CREBRF: variants seen among roughly 807,000 people sequenced by gnomAD.
CREBRF encodes CREB3 regulatory factor, also known as UPF0474 protein C5orf41.
Under a neutral mutation model 66.1 loss-of-function variants are expected in CREBRF, and 5 were observed. The observed-to-expected ratio is 0.08, with a 90% CI of 0.04 to 0.16. CREBRF has a LOEUF of 0.16. Among genes scored for constraint, CREBRF ranks in the 10% least tolerant of loss-of-function variants. CREBRF has a pLI of 1.00. For missense variants in CREBRF, 531 were observed against 744.9 expected, an observed-to-expected ratio of 0.71 and a Z score of 3.34; for synonymous variants, 229 against 264.4, an observed-to-expected ratio of 0.87 and a Z score of 1.30.
intron 8 of CREBRF, among the ~76,000 whole-genome samples, chr5:173,127,146 G>T (rs1759292995): frequency 6.7e-6 from 1 of 150,210 alleles, no homozygotes; most frequent in Admixed American, 6.7e-5. Context: ...GTTTAAATGG[G>T]TTGGAGTTTC....
In CREBRF at chr5:173,137,851, G is replaced by A. The variant is rs561034299; in HGVS notation, c.*4106G>A. 6.6e-6 allele frequency: 1 copy of A among 152,014 alleles called. No homozygotes were observed. Among genetic ancestry groups the A allele is most frequent in the Non-Finnish European group, 1.5e-5 (1 of 67,954 alleles). The allele number at this position is 152,014 out of a possible 1,614,324, so 9.4% of individuals were successfully genotyped here. On this transcript the variant is annotated 3_prime_UTR_variant, in exon 9 of 9. Coordinates refer to ENST00000296953, the MANE Select transcript of CREBRF (RefSeq NM_153607.3). The stretch of plus-strand genomic sequence containing the variant: ...ATGTTATAAGAAATGAATTCAAGTT[G>A]CCTTCAGCAAGAATTAACAAAAACT...
intron 3 of CREBRF, 100 bp downstream of exon 3, chr5:173,086,726 G>A: frequency 9.7e-7 from 1 of 1,032,898 alleles, no homozygotes. Flanking sequence ...AGATGTGCTT[G>A]GGCCAAGTTT....
chr5:173,092,320 G>A, intron 4 of CREBRF: 1 of 981,904 alleles, frequency 1.0e-6, no homozygotes, highest in Admixed American at 6.2e-5. Flanking sequence ...CTGTAATTTG[G>A]TGAGCATGAA....
intron 8 of CREBRF, among the ~76,000 whole-genome samples, chr5:173,131,738 T>C (rs1759430851): frequency 6.6e-6 from 1 of 151,818 alleles, no homozygotes. Flanking sequence ...ACACTTTTTT[T>C]TGTTTGTTTT....
intron 4 of CREBRF, 96 bp downstream of exon 4, chr5:173,091,497 ATTT>A: frequency 1.3e-6 from 2 of 1,511,390 alleles, no homozygotes; most frequent in Non-Finnish European, 1.8e-6. Flanking sequence ...TAATTTCTTT[ATTT>A]TAGTTTGGGA....
intron 4 of CREBRF, among the ~76,000 whole-genome samples, chr5:173,094,612 C>T (rs2113745701): frequency 6.6e-6 from 1 of 152,154 alleles, no homozygotes; most frequent in Middle Eastern, 3.4e-3. Flanking sequence ...GGTCCTTTGC[C>T]CATTTTTTAA....
chr5:173,059,316 G>C (rs1361136037), intron 1 of CREBRF, among the ~76,000 whole-genome samples: 8 of 135,324 alleles, frequency 5.9e-5, no homozygotes, highest in Non-Finnish European at 1.2e-4. Flanking sequence ...CCAGGCTGGA[G>C]TGCAGTGGGA....
intron 1 of CREBRF, among the ~76,000 whole-genome samples, chr5:173,058,038 T>TA (rs1323534880): frequency 1.0e-5 from 1 of 99,656 alleles, no homozygotes; most frequent in Non-Finnish European, 1.9e-5. Flanking sequence ...CTGGAATTTC[T>TA]TTTTTTTTTT....
rs935222714 is a variant in CREBRF at position 173,088,022 on chromosome 5, A to G, written c.135+1396A>G. On this transcript the variant is annotated intron_variant, in intron 3 of 8. Coordinates refer to ENST00000296953, the MANE Select transcript of CREBRF (RefSeq NM_153607.3). ...GTATTTTTAGTAGAGATGGGGTTTC[A>G]CCATATTGGTCAGGCTGGTCTCGAA... Among the ~76,000 whole-genome samples the G allele has an allele frequency of 9.2e-5, 14 of 151,362 alleles. 1 individual carries two copies. The highest frequency in any genetic ancestry group is 2.6e-4 in the Admixed American group (4 of 15,196).
Position 173,136,725 on chromosome 5 carries a change from T to A in CREBRF, c.*2980T>A, listed in dbSNP as rs1009837799. 2 of 152,478 alleles carry A rather than the reference T, an allele frequency of 1.3e-5. No homozygotes were observed. Among genetic ancestry groups the A allele is most frequent in the African/African-American group, 4.8e-5 (2 of 41,446 alleles). 9.4% of individuals were successfully genotyped at this position (152,478 alleles called of 1,614,324 possible). A position where few individuals can be genotyped will look rare whatever the true frequency, so the allele number is the denominator to read the frequency against. ...ACAAACCAATCTTATAAGGGTAATG[T>A]AAAAACCCCAACAATTGTACATGTT... On this transcript the variant is annotated 3_prime_UTR_variant, in exon 9 of 9. Coordinates refer to ENST00000296953, the MANE Select transcript of CREBRF (RefSeq NM_153607.3).
At chr5:173,109,003 G>A in intron 5 of CREBRF, 185 bp downstream of exon 5, 1 of 576,804 alleles carries the variant, frequency 1.7e-6, no homozygotes, top group Non-Finnish European at 3.0e-6. Context: ...CCAGTGTTAA[G>A]AGTCCTCACC....
In CREBRF at chr5:173,091,098, G is replaced by A; in HGVS notation, c.919G>A (p.Gly307Ser). The A allele has an allele frequency of 1.9e-6, 3 of 1,614,204 alleles. No individual in the cohort carries two copies. The highest frequency in any genetic ancestry group is 2.5e-6 in the Non-Finnish European group (3 of 1,180,028). The change falls in exon 4 of 9, where the codon GGT (glycine) becomes AGT (serine). Residue 307 changes from glycine to serine, a missense_variant. Around this residue, in one of 5 missense-constraint regions of CREBRF, gnomAD observed 309 missense variants for 341.4 expected, o/e 0.90. Transcript: ENST00000296953. ...ATTACTAAGTCCCCTGCCCCAGGAA[G>A]GTCCTGGGTCACTTGCAGCAGGAGA... ...ELLLSPLPQE[G>S]PGSLAAGESS...
chr5:173,136,713 A>G lies in CREBRF; in HGVS notation c.*2968A>G, dbSNP rs917549543. On this transcript the variant is annotated 3_prime_UTR_variant, in exon 9 of 9. Transcript: ENST00000296953. ...TTAGTGTATCACACAAACCAATCTT[A>G]TAAGGGTAATGTAAAAACCCCAACA... The G allele has an allele frequency of 1.3e-5, 2 of 152,468 alleles. No individual in the cohort carries two copies. The highest frequency in any genetic ancestry group is 2.9e-5 in the Non-Finnish European group (2 of 67,922). The allele number at this position is 152,468 out of a possible 1,614,324, so 9.4% of individuals were successfully genotyped here.
chr5:173,081,584 A>G lies in CREBRF; in HGVS notation c.9+800A>G, dbSNP rs547873043. 2.9e-4 allele frequency among the ~76,000 whole-genome samples: 44 copies of G among 152,126 alleles called. 1 individual carries two copies. The highest frequency in any genetic ancestry group is 5.7e-4 in the Non-Finnish European group (39 of 68,030). On this transcript the variant is annotated intron_variant, in intron 2 of 8. Transcript: ENST00000296953. The stretch of plus-strand genomic sequence containing the variant: ...TGGGATTGTCTGGTGACTCGGAGAC[A>G]GGCAGAAGAGGTAAAGAAAGGGGAC...
At chr5:173,104,369 T>C (rs1197142056) in intron 4 of CREBRF, among the ~76,000 whole-genome samples, 2 of 152,124 alleles carry the variant, frequency 1.3e-5, no homozygotes, top group Non-Finnish European at 1.5e-5. Flanking sequence ...GTTTGATCAT[T>C]GATAGTCTCT....
intron 2 of CREBRF, chr5:173,085,592 T>G (rs1758123046): frequency 5.4e-6 from 3 of 553,756 alleles, no homozygotes; most frequent in Non-Finnish European, 9.7e-6. Flanking sequence ...AATTTTTGTG[T>G]TTTTAGTAGA....
rs1024847226 is a variant in CREBRF at position 173,096,220 on chromosome 5, T to C, written c.1222+4819T>C. ...TCCTAACCTTGTGATCCGCCCGCCT[T>C]GGCCTCTCAAAGTGCTGGGATTACA... On this transcript the variant is annotated intron_variant, in intron 4 of 8. Transcript: ENST00000296953. Among the ~76,000 whole-genome samples, 14 of 152,232 alleles carry C rather than the reference T, an allele frequency of 9.2e-5. No homozygotes were observed. The East Asian group carries it at 1.7e-3, about 19-fold the overall frequency.
chr5:173,082,908 CAAAAAAAAAAAAAAAAAAAAAAAAAA>C (rs70984937), intron 2 of CREBRF, among the ~76,000 whole-genome samples: 2 of 28,984 alleles, frequency 6.9e-5, no homozygotes, highest in Admixed American at 6.8e-4. Context: ...GACTCTGTCT[CAAAAAAAAAAAAAAAAAAAAAAAAAA>C]AAAAAAAAAA....
At chr5:173,107,150 A>G (rs1758768861) in intron 4 of CREBRF, among the ~76,000 whole-genome samples, 2 of 152,220 alleles carry the variant, frequency 1.3e-5, no homozygotes, top group African/African-American at 2.4e-5. Flanking sequence ...AAATGGAAGC[A>G]TGCTCCTGAT....
Sources: gnomAD v4.1 joint callset for allele counts (sites outside exome capture counted in the v4.1 genomes callset) on GRCh38, gnomAD v4.1.1 for gene constraint, gnomAD v4.1.1 regional missense constraint, MANE v1.5 for transcripts, NCBI Gene and HGNC (gene_info 2026-07-23, HGNC 2026-07-21) for gene names.